Variants in KYAT1 observed in about 807,000 individuals in gnomAD.
The protein encoded by KYAT1 is kynurenine--oxoglutarate transaminase 1.
KYAT1 carries 47 observed loss-of-function variants against 52.4 expected under a neutral mutation model. The observed-to-expected ratio is 0.90, with a 90% CI of 0.71 to 1.14. The LOEUF is 1.14. Among genes scored for constraint, KYAT1 ranks in the 50% most tolerant of loss-of-function variants. The pLI, the probability that KYAT1 is intolerant of heterozygous loss-of-function variation, is 0.00. For missense variants in KYAT1, 480 were observed against 557.9 expected (o/e 0.86, Z 1.41); for synonymous variants, 212 against 209.6 (o/e 1.01, Z -0.10).
At chr9:128,867,181 TTTTG>T (rs1403240134) in intron 1 of KYAT1, among the ~76,000 whole-genome samples, 1 of 152,080 alleles carries the variant, frequency 6.6e-6, no homozygotes, top group East Asian at 1.9e-4. Context: ...CCTAAAAGTT[TTTTG>T]TTTGTTTGTT....
At position 128,835,678 on chromosome 9, in the gene KYAT1, C is replaced by T. The variant is rs1355670254; in HGVS notation, c.856-11G>A. 6.2e-7 allele frequency: 1 copy of T among 1,608,056 alleles called. No homozygotes were observed. Among genetic ancestry groups the T allele is most frequent in the African/African-American group, 1.3e-5 (1 of 74,940 alleles). On this transcript the variant is annotated splice_polypyrimidine_tract_variant and intron_variant, in intron 9 of 12. Coordinates refer to ENST00000302586, the MANE Select transcript of KYAT1 (RefSeq NM_004059.5). The stretch of plus-strand genomic sequence containing the variant: ...CTCGGCTACTGCAGCCTGGGCAGGG[C>T]AGATGGACACACAGATAGATCAGCT...
At chr9:128,842,535 TG>T in intron 3 of KYAT1, 118 bp downstream of exon 3, 2 of 1,016,922 alleles carry the variant, frequency 2.0e-6, no homozygotes, top group Non-Finnish European at 2.9e-6. Context: ...CACTGAACTA[TG>T]GTCATACAGA....
intron 1 of KYAT1, among the ~76,000 whole-genome samples, chr9:128,857,182 A>G (rs977542710): frequency 9.2e-5 from 14 of 152,000 alleles, no homozygotes; most frequent in African/African-American, 1.2e-4. Flanking sequence ...ATTATGACAT[A>G]GATTCTTTTG....
In KYAT1 at chr9:128,858,395, T is replaced by TTAAA. The variant is rs67073521; in HGVS notation, c.-6-12985_-6-12984insTTTA. 3.1e-4 allele frequency among the ~76,000 whole-genome samples: 20 copies of TTAAA among 65,108 alleles called. 7 individuals are homozygous for TTAAA. Among genetic ancestry groups the TTAAA allele is most frequent in the Admixed American group, 7.2e-4 (3 of 4,174 alleles). The allele number at this position is 65,108 out of a possible 152,430, so 42.7% of individuals were successfully genotyped here. ...CTGGGCAACAGAGTGAGACCATGTA[T>TTAAA]AAAAAAAAAAAAAAAAAAAAGCCCG... is the stretch of plus-strand genomic sequence containing the variant. On this transcript the variant is annotated intron_variant, in intron 1 of 12. Coordinates refer to ENST00000302586, the MANE Select transcript of KYAT1 (RefSeq NM_004059.5).
At chr9:128,847,707 A>T (rs1257636106) in intron 1 of KYAT1, 4 of 547,024 alleles carry the variant, frequency 7.3e-6, no homozygotes, top group Non-Finnish European at 1.3e-5. Context: ...TGCCAGGAAT[A>T]GCACCAAGTG....
chr9:128,846,052 T>G (rs1382018628), intron 1 of KYAT1, among the ~76,000 whole-genome samples: 1 of 152,096 alleles, frequency 6.6e-6, no homozygotes, highest in Non-Finnish European at 1.5e-5. Context: ...CCTCGGAGGG[T>G]CCCGGGGTCC....
At chr9:128,838,997 C>T (rs1197082232) in intron 3 of KYAT1, among the ~76,000 whole-genome samples, 1 of 151,530 alleles carries the variant, frequency 6.6e-6, no homozygotes, top group Non-Finnish European at 1.5e-5. Flanking sequence ...GGGTCTCACT[C>T]ATGTCACCCA....
Position 128,842,774 on chromosome 9 carries a change from C to T in KYAT1, c.81G>A (p.Glu27=), listed in dbSNP as rs1213481689. 1 of 1,614,042 alleles carries T rather than the reference C, an allele frequency of 6.2e-7. No homozygotes were observed. Among genetic ancestry groups the T allele is most frequent in the Admixed American group, 1.7e-5 (1 of 60,012 alleles). The change falls in exon 3 of 13, where the codon GAG becomes GAA. Residue 27 remains glutamate, a synonymous_variant. Transcript: ENST00000302586. ...PWVEFVKLAS[E]HDVVNLGQGF... ...CCTGGCCCAAGTTCACGACGTCATG[C>T]TCACTGGCCAGTTTCACAAACTCCA...
chr9:128,845,045 G>A (rs77943380), intron 2 of KYAT1, among the ~76,000 whole-genome samples: 254 of 152,200 alleles, frequency 1.7e-3, no homozygotes, highest in African/African-American at 6.0e-3. Context: ...GGGTAGAATG[G>A]CTTTGGACAG....
At chr9:128,860,739 T>C (rs1835355412) in intron 1 of KYAT1, among the ~76,000 whole-genome samples, 1 of 152,086 alleles carries the variant, frequency 6.6e-6, no homozygotes, top group Non-Finnish European at 1.5e-5. Flanking sequence ...ATTTTTGTAT[T>C]TTTAGTAGAG....
chr9:128,836,830 G>C lies in KYAT1; in HGVS notation c.660C>G (p.Val220=). The part of the protein sequence containing the change: ...CITDEVYQWM[V]YDGHQHISIA... ...TGCTGATGTGCTGGTGCCCGTCGTA[G>C]ACCATCCACTGGTAGACTTCATCAG... The change falls in exon 7 of 13, where the codon GTC becomes GTG. Residue 220 remains valine (V), a synonymous_variant. Transcript: ENST00000302586. The C allele has an allele frequency of 6.2e-7, 1 of 1,613,994 alleles. No homozygotes were observed. The highest frequency in any genetic ancestry group is 1.3e-5 in the African/African-American group (1 of 75,026).
intron 1 of KYAT1, chr9:128,846,867 C>CA (rs1324333732): frequency 1.3e-6 from 2 of 1,531,968 alleles, no homozygotes; most frequent in African/African-American, 2.7e-5. Context: ...CTGCTGTGGT[C>CA]AATAGTGAAC....
chr9:128,863,147 A>C (rs933803022), intron 1 of KYAT1, among the ~76,000 whole-genome samples: 1 of 151,390 alleles, frequency 6.6e-6, no homozygotes, highest in African/African-American at 2.4e-5. Context: ...GTTATGTTGC[A>C]CCCTCCACAG....
At chr9:128,844,135 T>C (rs1832695426) in intron 2 of KYAT1, among the ~76,000 whole-genome samples, 1 of 152,006 alleles carries the variant, frequency 6.6e-6, no homozygotes, top group Non-Finnish European at 1.5e-5. Context: ...CCTCTCCAGG[T>C]GGGAGAAAGG....
chr9:128,879,512 T>C (rs909640058), intron 1 of KYAT1, among the ~76,000 whole-genome samples: 6 of 152,146 alleles, frequency 3.9e-5, no homozygotes, highest in African/African-American at 1.4e-4. Context: ...GTTCTGGTGG[T>C]TGGCACCTAA....
At chr9:128,875,393 C>T (rs1299792078) in intron 1 of KYAT1, among the ~76,000 whole-genome samples, 3 of 151,644 alleles carry the variant, frequency 2.0e-5, no homozygotes, top group Non-Finnish European at 4.4e-5. Context: ...GCAGACAGAT[C>T]ACTTGAGGTC....
At chr9:128,838,549 C>A (rs1372563894) in intron 3 of KYAT1, among the ~76,000 whole-genome samples, 182 bp from the exon 4 acceptor site, 1 of 152,246 alleles carries the variant, frequency 6.6e-6, no homozygotes, top group Non-Finnish European at 1.5e-5. Context: ...CCTCTACACA[C>A]CAAGCTATTT....
chr9:128,836,668 G>A, intron 7 of KYAT1, 134 bp downstream of exon 7: 2 of 1,005,424 alleles, frequency 2.0e-6, no homozygotes. Context: ...GTGTACTCTG[G>A]GAGGCAAAGG....
chr9:128,854,530 G>A (rs1339244658), intron 1 of KYAT1, among the ~76,000 whole-genome samples: 1 of 152,158 alleles, frequency 6.6e-6, no homozygotes, highest in African/African-American at 2.4e-5. Context: ...AAGCGAAGCC[G>A]CCGACCTGGG....
Sources: gnomAD v4.1 joint callset for allele counts (sites outside exome capture counted in the v4.1 genomes callset) on GRCh38, gnomAD v4.1.1 for gene constraint, MANE v1.5 for transcripts, NCBI Gene and HGNC (gene_info 2026-07-23, HGNC 2026-07-21) for gene names.